The following JAKMIP1 variants were observed in gnomAD, a reference collection of about 807,000 sequenced individuals.
JAKMIP1 encodes janus kinase and microtubule interacting protein 1, also known as janus kinase and microtubule-interacting protein 1.
JAKMIP1 carries 33 observed loss-of-function variants against 113.0 expected under a neutral mutation model. That is an observed-to-expected ratio of 0.29 (90% CI 0.22 to 0.39). The LOEUF (loss-of-function observed/expected upper bound fraction) is 0.39. Ranked by LOEUF, JAKMIP1 falls within the 10% of genes least tolerant of loss-of-function variation. JAKMIP1 has a pLI of 1.00. For synonymous variants in JAKMIP1, 480 were observed against 459.9 expected (o/e 1.04, Z -0.56); for missense variants, 813 against 1,080.5 (o/e 0.75, Z 3.47).
Position 6,140,780 on chromosome 4 carries a change from A to T in JAKMIP1, c.-147-27783T>A, listed in dbSNP as rs182080678. On this transcript the variant is annotated intron_variant, in intron 1 of 20. Coordinates refer to ENST00000409021, the MANE Select transcript of JAKMIP1 (RefSeq NM_001099433.2). This position sits in a 1 kb window ranked among gnomAD's most constrained non-coding sequence, Gnocchi z 9.4. ...CGTCTGGTGTCATCCTTTGGGCAAT[A>T]AGAAAGATGCAATTAAGTAGGCAAT... 2.0e-5 allele frequency among the ~76,000 whole-genome samples: 3 copies of T among 152,310 alleles called. No individual in the cohort carries two copies. Among genetic ancestry groups the T allele is most frequent in the Admixed American group, 6.5e-5 (1 of 15,306 alleles).
rs1717885845 is a variant in JAKMIP1, at chr4:6,065,155, A to T, written c.1303-147T>A. On this transcript the variant is annotated intron_variant, in intron 8 of 20. Transcript: ENST00000409021. The surrounding 1 kb of genome is among the most constrained non-coding windows in gnomAD (Gnocchi z 5.1). ...ACAAGATGCGGTTGGTGGGCTTCGT[A>T]ACTGACTGGGTGGGATAAAAGGTGG... 1.0e-6 allele frequency: 1 copy of T among 998,506 alleles called. No homozygotes were observed. The highest frequency in any genetic ancestry group is 1.8e-5 in the Admixed American group (1 of 55,656). The allele number at this position is 998,506 out of a possible 1,614,324, so 61.9% of individuals were successfully genotyped here.
At chr4:6,099,118 C>G (rs1439254539) in intron 3 of JAKMIP1, among the ~76,000 whole-genome samples, 1 of 152,222 alleles carries the variant, frequency 6.6e-6, no homozygotes, top group Non-Finnish European at 1.5e-5. Flanking sequence ...CCTTTTCCTT[C>G]AGGGAAAGTG....
chr4:6,046,930 C>G (rs976809730), intron 16 of JAKMIP1, among the ~76,000 whole-genome samples: 25 of 152,234 alleles, frequency 1.6e-4, no homozygotes. Context: ...CCAGGACGAA[C>G]CAGCCACCCT....
Position 6,056,754 on chromosome 4 carries a change from G to A in JAKMIP1, c.1650C>T (p.Ser550=). ...GCAGCTGCTTCTCTTCAACCCACTTGGAATCCTAAGGAAAAGTACTAAATA... is the reference window on the plus strand; with the variant it reads ...GCAGCTGCTTCTCTTCAACCCACTTAGAATCCTAAGGAAAAGTACTAAATA... The part of the protein sequence containing the change: ...EKLLVEKGQD[S]KWVEEKQLLI... The change falls in exon 12 of 21, where the codon TCC becomes TCT. Residue 550 remains serine (S), a synonymous_variant. Coordinates refer to ENST00000409021, the MANE Select transcript of JAKMIP1 (RefSeq NM_001099433.2). The A allele has an allele frequency of 6.2e-7, 1 of 1,610,202 alleles. No individual in the cohort carries two copies. Among genetic ancestry groups the A allele is most frequent in the Non-Finnish European group, 8.5e-7 (1 of 1,177,016 alleles).
chr4:6,084,159 T>C (rs1720956846), intron 5 of JAKMIP1, among the ~76,000 whole-genome samples: 1 of 151,630 alleles, frequency 6.6e-6, no homozygotes, highest in Admixed American at 6.6e-5. Context: ...CTCTACTAAA[T>C]GTACAAAATT....
At position 6,178,117 on chromosome 4, in the gene JAKMIP1, G is replaced by C. The variant is rs536875413; in HGVS notation, c.-148+22136C>G. Among the ~76,000 whole-genome samples the C allele has an allele frequency of 2.1e-4, 32 of 152,238 alleles. No homozygotes were observed. The highest frequency in any genetic ancestry group is 4.1e-4 in the Non-Finnish European group (28 of 68,040). ...CTGTCCCCGACCCTCCTCCCTGGAG[G>C]GGAGGGATAGGAAAGAAGGAAACAG... On this transcript the variant is annotated intron_variant, in intron 1 of 20. Transcript: ENST00000409021. This position sits in a 1 kb window ranked among gnomAD's most constrained non-coding sequence, Gnocchi z 5.5.
chr4:6,027,533 G>A (rs376484807), intron 20 of JAKMIP1, among the ~76,000 whole-genome samples: 8 of 152,172 alleles, frequency 5.3e-5, no homozygotes, highest in African/African-American at 1.9e-4. Flanking sequence ...CTATTTCCAC[G>A]GTCACAGGCC....
rs965712299 is a variant in JAKMIP1 at position 6,140,395 on chromosome 4, C to T, written c.-147-27398G>A. Among the ~76,000 whole-genome samples the T allele has an allele frequency of 2.0e-5, 3 of 152,038 alleles. No individual in the cohort carries two copies. The highest frequency in any genetic ancestry group is 7.3e-5 in the African/African-American group (3 of 41,356). On this transcript the variant is annotated intron_variant, in intron 1 of 20. Transcript: ENST00000409021. This position sits in a 1 kb window ranked among gnomAD's most constrained non-coding sequence, Gnocchi z 9.4. Reference sequence around the variant, plus strand: ...GAGGCTGGCTCAGCAGGAGCACTGTCCCTGTTCCCCCAAAAGGCCCACCAC... The same window carrying T: ...GAGGCTGGCTCAGCAGGAGCACTGTTCCTGTTCCCCCAAAAGGCCCACCAC...
At chr4:6,109,382 C>T (rs1409615449) in intron 2 of JAKMIP1, among the ~76,000 whole-genome samples, 1 of 151,928 alleles carries the variant, frequency 6.6e-6, no homozygotes, top group Non-Finnish European at 1.5e-5. Flanking sequence ...ATCCGCCCGC[C>T]TTGGCCTCCC....
chr4:6,152,182 A>AAGTC (rs1721647498), intron 1 of JAKMIP1, among the ~76,000 whole-genome samples: 1 of 151,974 alleles, frequency 6.6e-6, no homozygotes, highest in Admixed American at 6.6e-5. Flanking sequence ...GGGAGGGAGG[A>AAGTC]AGTCAAATCA....
chr4:6,076,007 T>C lies in JAKMIP1; in HGVS notation c.1302+2932A>G, dbSNP rs1382864149. On this transcript the variant is annotated intron_variant, in intron 8 of 20. Transcript: ENST00000409021. This position sits in a 1 kb window ranked among gnomAD's most constrained non-coding sequence, Gnocchi z 4.8. ...GCCTGGCCAACATGGTGAAACCCCGTCTCTACTAAAAATACAAAATTAGCC... is the reference window on the plus strand; with the variant it reads ...GCCTGGCCAACATGGTGAAACCCCGCCTCTACTAAAAATACAAAATTAGCC... Among the ~76,000 whole-genome samples the C allele has an allele frequency of 1.3e-5, 2 of 152,062 alleles. No homozygotes were observed. The highest frequency in any genetic ancestry group is 4.8e-5 in the African/African-American group (2 of 41,392).
At position 6,086,299 on chromosome 4, in the gene JAKMIP1, A is replaced by C. The variant is rs1049891611; in HGVS notation, c.625-670T>G. Among the ~76,000 whole-genome samples, 2 of 152,010 alleles carry C rather than the reference A, an allele frequency of 1.3e-5. No homozygotes were observed. The highest frequency in any genetic ancestry group is 1.3e-4 in the Admixed American group (2 of 15,268). ...CTCTTCTCACTCTATATCCTCTCCC[A>C]GGCAGCCAGGTCCTCCCCGACGGTA... On this transcript the variant is annotated intron_variant, in intron 3 of 20. Coordinates refer to ENST00000409021, the MANE Select transcript of JAKMIP1 (RefSeq NM_001099433.2). The surrounding 1 kb of genome is among the most constrained non-coding windows in gnomAD (Gnocchi z 4.1).
rs1213736453 is a variant in JAKMIP1, at chr4:6,081,670, A to G, written c.1040T>C (p.Leu347Ser). ...CTCCTCCATCCTCTGGATACTCTGC[A>G]ACAGATCCTCATTCTTCTTGTTCAT... ...KRMNKKNEDL[L>S]QSIQRMEEKI... The change falls in exon 6 of 21, where the codon TTG becomes TCG. Residue 347 changes from leucine to serine, a missense_variant. By Grantham distance (145) the Leu-to-Ser change is moderately radical. Transcript: ENST00000409021. The surrounding 1 kb of genome is among the most constrained non-coding windows in gnomAD (Gnocchi z 4.6). 6.2e-7 allele frequency: 1 copy of G among 1,614,038 alleles called. No individual in the cohort carries two copies. Among genetic ancestry groups the G allele is most frequent in the Non-Finnish European group, 8.5e-7 (1 of 1,180,026 alleles).
chr4:6,149,575 T>A (rs948859908), intron 1 of JAKMIP1, among the ~76,000 whole-genome samples: 67 of 152,346 alleles, frequency 4.4e-4, no homozygotes, highest in African/African-American at 1.5e-3. Context: ...ATAGAAAGGA[T>A]GTCCATTTCA....
chr4:6,157,777 C>G lies in JAKMIP1; in HGVS notation c.-148+42476G>C, dbSNP rs1034376336. Among the ~76,000 whole-genome samples, 1 of 152,180 alleles carries G rather than the reference C, an allele frequency of 6.6e-6. No individual in the cohort carries two copies. The highest frequency in any genetic ancestry group is 1.5e-5 in the Non-Finnish European group (1 of 68,040). ...TAAACACCAGCCATGAAGCAGCACACCCAGTAGGGTGTGAGTGAGGGACCG... is the reference window on the plus strand; with the variant it reads ...TAAACACCAGCCATGAAGCAGCACAGCCAGTAGGGTGTGAGTGAGGGACCG... On this transcript the variant is annotated intron_variant, in intron 1 of 20. Transcript: ENST00000409021. The surrounding 1 kb of genome is among the most constrained non-coding windows in gnomAD (Gnocchi z 4.7).
chr4:6,035,971 C>A lies in JAKMIP1; in HGVS notation c.2312G>T (p.Arg771Met). The change falls in exon 19 of 21, where the codon AGG becomes ATG. Residue 771 changes from arginine to methionine, a missense_variant. By Grantham distance (91) the Arg-to-Met change is moderately conservative. Transcript: ENST00000409021. ...CTGGCTGTCGAACTCGCGGCTCTGC[C>A]TGAGGATCTGCCTGCGCACCTTTTC... ...AVEKVRRQIL[R>M]QSREFDSQIL... The A allele has an allele frequency of 6.4e-7, 1 of 1,551,508 alleles. No individual in the cohort carries two copies. The highest frequency in any genetic ancestry group is 8.7e-7 in the Non-Finnish European group (1 of 1,146,978).
Position 6,044,689 on chromosome 4 carries a change from C to T in JAKMIP1, c.2029-2462G>A, listed in dbSNP as rs1714762366. ...CATGCTGCTCTCAGAACGGTTTCTG[C>T]AGAACACAGTGTTGAGATTTGTTGC... On this transcript the variant is annotated intron_variant, in intron 16 of 20. Coordinates refer to ENST00000409021, the MANE Select transcript of JAKMIP1 (RefSeq NM_001099433.2). The surrounding 1 kb of genome is among the most constrained non-coding windows in gnomAD (Gnocchi z 4.4). Among the ~76,000 whole-genome samples, 1 of 152,072 alleles carries T rather than the reference C, an allele frequency of 6.6e-6. No homozygotes were observed. Among genetic ancestry groups the T allele is most frequent in the South Asian group, 2.1e-4 (1 of 4,830 alleles).
At chr4:6,026,650 G>A (rs1365754717) in intron 20 of JAKMIP1, among the ~76,000 whole-genome samples, 11 of 152,030 alleles carry the variant, frequency 7.2e-5, no homozygotes, top group Admixed American at 2.6e-4. Flanking sequence ...CATGGTCAGC[G>A]GCTCCCACCA....
chr4:6,048,503 T>C (rs1322201877), intron 16 of JAKMIP1, among the ~76,000 whole-genome samples: 3 of 152,198 alleles, frequency 2.0e-5, no homozygotes, highest in Admixed American at 1.3e-4. Context: ...TTATGAACCA[T>C]GTTAAATGGT....
Sources: gnomAD v4.1 joint callset for allele counts (sites outside exome capture counted in the v4.1 genomes callset) on GRCh38, gnomAD v4.1.1 for gene constraint, Gnocchi (gnomAD v3.1) non-coding constraint, MANE v1.5 for transcripts, NCBI Gene and HGNC (gene_info 2026-07-23, HGNC 2026-07-21) for gene names.